The following VPS11 variants were observed in gnomAD, a reference collection of about 807,000 sequenced individuals.
The protein encoded by VPS11 is vacuolar protein sorting-associated protein 11 homolog.
A neutral mutation model predicts 106.8 loss-of-function variants in VPS11; 51 were observed. That is an observed-to-expected ratio of 0.48 (90% CI 0.38 to 0.60). The LOEUF (loss-of-function observed/expected upper bound fraction) is 0.60, where lower values mean the gene tolerates loss of function less well. Among genes scored for constraint, VPS11 ranks in the 20% least tolerant of loss-of-function variants. The pLI is 0.00. For synonymous variants in VPS11, 453 were observed against 458.7 expected, an observed-to-expected ratio of 0.99 and a Z score of 0.16; for missense variants, 950 against 1,190.0, an observed-to-expected ratio of 0.80 and a Z score of 2.97.
Position 119,070,276 on chromosome 11 carries a change from C to T in VPS11, c.515C>T (p.Thr172Ile). ...GTTACATTGAACAAAGGAGACATCA[C>T]CCGGGACCGGCATAGCAAGACCCAG... is the stretch of plus-strand genomic sequence containing the variant. The part of the protein sequence containing the change: ...GSVTLNKGDI[T>I]RDRHSKTQIL... The change falls in exon 4 of 16, where the codon ACC becomes ATC. Residue 172 changes from threonine (T) to isoleucine (I), a missense_variant. Thr to Ile is a moderately conservative substitution (Grantham distance 89, BLOSUM62 -1). This residue lies in a region of VPS11 where 435 missense variants were observed against 630.2 expected (regional missense o/e 0.69). Coordinates refer to ENST00000621676, the MANE Select transcript of VPS11 (RefSeq NM_021729.6). The T allele has an allele frequency of 6.2e-7, 1 of 1,612,934 alleles. No homozygotes were observed. The highest frequency in any genetic ancestry group is 8.5e-7 in the Non-Finnish European group (1 of 1,179,332).
chr11:119,068,016 CT>C lies in VPS11; in HGVS notation c.187+8del. The C allele has an allele frequency of 6.3e-7, 1 of 1,598,106 alleles. No homozygotes were observed. The highest frequency in any genetic ancestry group is 1.7e-5 in the Admixed American group (1 of 58,906). ...AGGGAGCCTGGTCTTTGGAGATATC[CT>C]TCGTTTGGAGCTGTCTTTTCCCTCC... On this transcript the variant is annotated splice_region_variant and intron_variant, in intron 1 of 15. Coordinates refer to ENST00000621676, the MANE Select transcript of VPS11 (RefSeq NM_021729.6).
chr11:119,071,118 G>C (rs1445405834), intron 4 of VPS11, among the ~76,000 whole-genome samples: 1 of 151,422 alleles, frequency 6.6e-6, no homozygotes, highest in African/African-American at 2.4e-5. Context: ...TTCTAGATAT[G>C]GGGGTTTCAC....
intron 7 of VPS11, 143 bp downstream of exon 7, chr11:119,074,094 T>G: frequency 3.8e-6 from 4 of 1,050,482 alleles, no homozygotes; most frequent in Non-Finnish European, 5.2e-6. Flanking sequence ...TTTTTGTTAG[T>G]TTTTTTTTGA....
At position 119,075,264 on chromosome 11, in the gene VPS11, C is replaced by CA. The variant is rs533933871; in HGVS notation, c.1238+1324dup. ...CCTGGGTATCAGAGCAGGACTGTCT[C>CA]AAAAAAAAAAAGTTTGTCTAAGGCT... On this transcript the variant is annotated intron_variant, in intron 7 of 15. Coordinates refer to ENST00000621676, the MANE Select transcript of VPS11 (RefSeq NM_021729.6). 2.8e-4 allele frequency among the ~76,000 whole-genome samples: 40 copies of CA among 144,270 alleles called. No homozygotes were observed. In the Middle Eastern group the frequency reaches 0.011, roughly 39 times the overall value. 94.6% of individuals were successfully genotyped at this position (144,270 alleles called of 152,430 possible). A position where few individuals can be genotyped will look rare whatever the true frequency, so the allele number is the denominator to read the frequency against.
rs2133639300 is a variant in VPS11 at position 119,067,872 on chromosome 11, C to G, written c.49C>G (p.Leu17Val). The G allele has an allele frequency of 6.4e-7, 1 of 1,574,396 alleles. No individual in the cohort carries two copies. Among genetic ancestry groups the G allele is most frequent in the East Asian group, 2.3e-5 (1 of 42,866 alleles). The change falls in exon 1 of 16, where the codon CTG becomes GTG. Residue 17 changes from leucine (L) to valine (V), a missense_variant. By Grantham distance (32) the Leu-to-Val change is conservative. Around this residue, in one of 3 missense-constraint regions of VPS11, gnomAD observed 62 missense variants for 45.1 expected, o/e 1.37. Coordinates refer to ENST00000621676, the MANE Select transcript of VPS11 (RefSeq NM_021729.6). ...WRRFVFFDKE[L>V]VKEPLSNDGA... The stretch of plus-strand genomic sequence containing the variant: ...GCGCTTCGTTTTCTTCGACAAGGAG[C>G]TGGTGAAGGAGCCGCTGAGCAATGA...
intron 14 of VPS11, 99 bp downstream of exon 14, chr11:119,079,399 C>A: frequency 7.3e-7 from 1 of 1,370,748 alleles, no homozygotes; most frequent in East Asian, 2.5e-5. Context: ...CTATGGAGTG[C>A]TTTTGAGCAT....
Position 119,070,352 on chromosome 11 carries a change from A to G in VPS11, c.591A>G (p.Ala197=). The G allele has an allele frequency of 6.2e-7, 1 of 1,613,486 alleles. No individual in the cohort carries two copies. The highest frequency in any genetic ancestry group is 8.5e-7 in the Non-Finnish European group (1 of 1,179,606). ...YPVTGLAFRQ[A]GKTTHLFVVT... Reference sequence around the variant, plus strand: ...TAACTGGATTGGCCTTTCGCCAAGCAGGAAAGACCACTCACTTGTTTGTTG... The same window carrying G: ...TAACTGGATTGGCCTTTCGCCAAGCGGGAAAGACCACTCACTTGTTTGTTG... The change falls in exon 4 of 16, where the codon GCA becomes GCG. Residue 197 remains alanine, a synonymous_variant. Coordinates refer to ENST00000621676, the MANE Select transcript of VPS11 (RefSeq NM_021729.6).
rs1592182866 is a variant in VPS11 at position 119,071,624 on chromosome 11, C to T, written c.665C>T (p.Pro222Leu). Residue 222 changes from proline to leucine, a missense_variant, in exon 5 of 16, where the codon CCT (proline) becomes CTT (leucine). Physicochemically the swap from Pro to Leu is moderately conservative, Grantham distance 98. This residue lies in a region of VPS11 where 435 missense variants were observed against 630.2 expected (regional missense o/e 0.69). Transcript: ENST00000621676. The part of the protein sequence containing the change: ...QSYIVSGKDY[P>L]RVELDTHGCG... ...TATATAGTTTCTGGAAAAGACTACC[C>T]TCGCGTGGAGTTGGACACCCATGGT... The T allele has an allele frequency of 1.2e-6, 2 of 1,613,974 alleles. No homozygotes were observed. Among genetic ancestry groups the T allele is most frequent in the Non-Finnish European group, 1.7e-6 (2 of 1,179,898 alleles).
Position 119,071,821 on chromosome 11 carries a change from C to T in VPS11, c.862C>T (p.Arg288Cys), listed in dbSNP as rs555309981. 79 of 1,613,290 alleles carry T rather than the reference C, an allele frequency of 4.9e-5. No individual in the cohort carries two copies. The East Asian group carries it at 1.2e-3, about 24-fold the overall frequency. Residue 288 changes from arginine to cysteine, a missense_variant, in exon 5 of 16, where the codon CGT becomes TGT. Arg to Cys is a radical substitution (Grantham distance 180). Around this residue, in one of 3 missense-constraint regions of VPS11, gnomAD observed 435 missense variants for 630.2 expected, o/e 0.69. Transcript: ENST00000621676. ...TAGAGGCTACCTTATCATTGTCTCCCGTGACCGGAAGGTTTCTCCCAAGTA... is the reference window on the plus strand; with the variant it reads ...TAGAGGCTACCTTATCATTGTCTCCTGTGACCGGAAGGTTTCTCCCAAGTA... ...WFRGYLIIVS[R>C]DRKVSPKSEF...
In VPS11 at chr11:119,081,743, TCA is replaced by T; in HGVS notation, c.*123_*124del. On this transcript the variant is annotated 3_prime_UTR_variant, in exon 16 of 16. Coordinates refer to ENST00000621676, the MANE Select transcript of VPS11 (RefSeq NM_021729.6). ...CCCAGGGCTCCACTCTCATCTAATG[TCA>T]CAGCCCTCAGAACTAAAGCGGACTT... 1 of 1,328,672 alleles carries T rather than the reference TCA, an allele frequency of 7.5e-7. No homozygotes were observed. Among genetic ancestry groups the T allele is most frequent in the South Asian group, 1.5e-5 (1 of 67,874 alleles). 82.3% of individuals were successfully genotyped at this position (1,328,672 alleles called of 1,614,324 possible).
intron 7 of VPS11, among the ~76,000 whole-genome samples, chr11:119,075,140 G>A (rs1473924341): frequency 1.3e-5 from 2 of 151,932 alleles, no homozygotes; most frequent in Non-Finnish European, 1.5e-5. Context: ...CGTGGCGGGC[G>A]CCTGTAGTCC....
chr11:119,079,559 C>T (rs782603244), intron 14 of VPS11, among the ~76,000 whole-genome samples: 2 of 152,080 alleles, frequency 1.3e-5, no homozygotes, highest in African/African-American at 2.4e-5. Context: ...TAAACACATC[C>T]GTATTGTGGT....
At chr11:119,068,349 C>T (rs1945200169) in intron 1 of VPS11, 2 of 398,416 alleles carry the variant, frequency 5.0e-6, no homozygotes. Context: ...ATGATTTCCC[C>T]TGCCCTAATA....
chr11:119,077,861 C>A lies in VPS11; in HGVS notation c.1573-17C>A. The A allele has an allele frequency of 6.2e-7, 1 of 1,613,736 alleles. No homozygotes were observed. The highest frequency in any genetic ancestry group is 8.5e-7 in the Non-Finnish European group (1 of 1,179,734). ...GAGGCAGGAGTATACACTATTCTGC[C>A]CTTTACTTTTCCACAGAATTATCAG... On this transcript the variant is annotated splice_polypyrimidine_tract_variant and intron_variant, in intron 9 of 15. Transcript: ENST00000621676.
Position 119,079,238 on chromosome 11 carries a change from G to T in VPS11, c.2376G>T (p.Arg792=). The T allele has an allele frequency of 6.2e-7, 1 of 1,610,136 alleles. No homozygotes were observed. The highest frequency in any genetic ancestry group is 2.2e-5 in the East Asian group (1 of 44,726). ...AGCAGATTGCACAGGATGAGCTGCGGGTGCGGCGGTACCGAGAGGAGACCA... is the reference window on the plus strand; with the variant it reads ...AGCAGATTGCACAGGATGAGCTGCGTGTGCGGCGGTACCGAGAGGAGACCA... ...QSQQIAQDEL[R]VRRYREETTR... The change falls in exon 14 of 16, where the codon CGG becomes CGT. Residue 792 remains arginine (R), a synonymous_variant. Transcript: ENST00000621676.
rs1272247804 is a variant in VPS11 at position 119,067,903 on chromosome 11, C to T, written c.80C>T (p.Ala27Val). The T allele has an allele frequency of 1.2e-6, 2 of 1,601,004 alleles. No individual in the cohort carries two copies. Among genetic ancestry groups the T allele is most frequent in the Non-Finnish European group, 1.7e-6 (2 of 1,173,760 alleles). Residue 27 changes from alanine (A) to valine (V), a missense_variant, in exon 1 of 16, where the codon GCC becomes GTC. Transcript: ENST00000621676. ...LVKEPLSNDG[A>V]APGATPASGS... ...AAGGAGCCGCTGAGCAATGATGGGGCCGCTCCCGGGGCCACACCTGCTTCT... is the reference window on the plus strand; with the variant it reads ...AAGGAGCCGCTGAGCAATGATGGGGTCGCTCCCGGGGCCACACCTGCTTCT...
At chr11:119,070,427 A>C (rs782262968) in intron 4 of VPS11, 30 bp downstream of exon 4, 1 of 1,586,138 alleles carries the variant, frequency 6.3e-7, no homozygotes, top group South Asian at 1.1e-5. Flanking sequence ...TCTTAGGAGC[A>C]GGCAGGGAGG....
At position 119,073,417 on chromosome 11, in the gene VPS11, G is replaced by T; in HGVS notation, c.1086+18G>T. ...AACTGGAGGCAAGGCCACCAGGCTC[G>T]CAGAGCTGGCCACAGGCACCTAGAA... On this transcript the variant is annotated intron_variant, in intron 6 of 15. Coordinates refer to ENST00000621676, the MANE Select transcript of VPS11 (RefSeq NM_021729.6). 1 of 1,609,852 alleles carries T rather than the reference G, an allele frequency of 6.2e-7. No individual in the cohort carries two copies. The highest frequency in any genetic ancestry group is 1.3e-5 in the African/African-American group (1 of 74,986).
intron 3 of VPS11, among the ~76,000 whole-genome samples, 193 bp downstream of exon 3, chr11:119,069,770 G>A (rs1297355978): frequency 3.9e-5 from 6 of 151,944 alleles, no homozygotes; most frequent in African/African-American, 1.2e-4. Context: ...AGGCTGAGGT[G>A]GGCGGATCAC....
Sources: allele counts gnomAD v4.1 joint callset (sites outside exome capture counted in the v4.1 genomes callset), GRCh38; gene constraint gnomAD v4.1.1; regional missense constraint gnomAD v4.1.1; transcripts MANE v1.5; gene names NCBI Gene and HGNC (gene_info 2026-07-23, HGNC 2026-07-21).